The following HTR4 variants were observed in gnomAD, a reference collection of about 807,000 sequenced individuals.
HTR4 encodes 5-hydroxytryptamine (serotonin) receptor 4, G protein-coupled.
Under a neutral mutation model 36.8 loss-of-function variants are expected in HTR4, and 16 were observed. The ratio of observed to expected loss-of-function variants is 0.43; its 90% CI spans 0.29 to 0.66. The LOEUF is 0.66. Among genes scored for constraint, HTR4 ranks in the 30% least tolerant of loss-of-function variants. HTR4 has a pLI of 0.13. For synonymous variants in HTR4, 189 were observed against 185.1 expected, an observed-to-expected ratio of 1.02 and a Z score of -0.17; for missense variants, 438 against 490.9, an observed-to-expected ratio of 0.89 and a Z score of 1.02.
chr5:148,482,509 C>T lies in HTR4; in HGVS notation c.*694G>A. ...CATTTTCCTCTGACAGATCTCTGACCCTGTGTCTTCCATGGAAAATAAATG... is the reference window on the plus strand; with the variant it reads ...CATTTTCCTCTGACAGATCTCTGACTCTGTGTCTTCCATGGAAAATAAATG... On this transcript the variant is annotated 3_prime_UTR_variant, in exon 7 of 7. Transcript: ENST00000377888. 1.0e-6 allele frequency: 1 copy of T among 985,522 alleles called. No individual in the cohort carries two copies. The highest frequency in any genetic ancestry group is 1.2e-6 in the Non-Finnish European group (1 of 830,084). 61.0% of individuals were successfully genotyped at this position (985,522 alleles called of 1,614,324 possible). A position where few individuals can be genotyped will look rare whatever the true frequency, so the allele number is the denominator to read the frequency against.
Position 148,482,031 on chromosome 5 carries a change from T to C in HTR4, c.*1172A>G. 1 of 987,228 alleles carries C rather than the reference T, an allele frequency of 1.0e-6. No individual in the cohort carries two copies. Among genetic ancestry groups the C allele is most frequent in the Non-Finnish European group, 1.2e-6 (1 of 829,594 alleles). 61.2% of individuals were successfully genotyped at this position (987,228 alleles called of 1,614,324 possible). On this transcript the variant is annotated 3_prime_UTR_variant, in exon 7 of 7. Coordinates refer to ENST00000377888, the MANE Select transcript of HTR4 (RefSeq NM_000870.7). Reference sequence around the variant, plus strand: ...AAAGGTCCTCTAGTCCAAGCTTGAGTGCACAGATGTGGAAAGTGGGGTCCA... The same window carrying C: ...AAAGGTCCTCTAGTCCAAGCTTGAGCGCACAGATGTGGAAAGTGGGGTCCA...
At chr5:148,510,089 A>G in intron 5 of HTR4, 65 bp from the exon 6 acceptor site, 1 of 1,067,970 alleles carries the variant, frequency 9.4e-7, no homozygotes, top group Non-Finnish European at 1.4e-6. Flanking sequence ...AGTGAAAAAG[A>G]AGTGGGAAAA....
At chr5:148,504,567 C>T (rs1053696123) in intron 6 of HTR4, among the ~76,000 whole-genome samples, 3 of 152,150 alleles carry the variant, frequency 2.0e-5, no homozygotes, top group African/African-American at 7.2e-5. Context: ...GACACCCTAA[C>T]ATCACAATTA....
At chr5:148,531,096 A>T (rs976854101) in intron 4 of HTR4, among the ~76,000 whole-genome samples, 2 of 152,230 alleles carry the variant, frequency 1.3e-5, no homozygotes, top group African/African-American at 4.8e-5. Context: ...GCCTTGTCTC[A>T]GATGAGATGT....
In HTR4 at chr5:148,532,678, G is replaced by A. The variant is rs989054283; in HGVS notation, c.354-9332C>T. On this transcript the variant is annotated intron_variant, in intron 4 of 6. Coordinates refer to ENST00000377888, the MANE Select transcript of HTR4 (RefSeq NM_000870.7). Reference sequence around the variant, plus strand: ...ATATATGAAATACATACCCATAAATGTATATTCCTATATCTATATAGCCCT... The same window carrying A: ...ATATATGAAATACATACCCATAAATATATATTCCTATATCTATATAGCCCT... 4.6e-5 allele frequency among the ~76,000 whole-genome samples: 7 copies of A among 152,158 alleles called. No individual in the cohort carries two copies. The East Asian group carries it at 1.3e-3, about 29-fold the overall frequency.
intron 2 of HTR4, among the ~76,000 whole-genome samples, chr5:148,616,428 C>T (rs1374271965): frequency 6.6e-6 from 1 of 152,058 alleles, no homozygotes; most frequent in African/African-American, 2.4e-5. Flanking sequence ...AATAGGCATG[C>T]TTTTTCCCCC....
At chr5:148,468,749 A>T (rs1208574800) in intron 5 of HTR4, among the ~76,000 whole-genome samples, 1 of 152,044 alleles carries the variant, frequency 6.6e-6, no homozygotes, top group Non-Finnish European at 1.5e-5. Flanking sequence ...GTCCCCTCCC[A>T]AATCTCATCT....
intron 6 of HTR4, among the ~76,000 whole-genome samples, chr5:148,500,350 A>T (rs919145861): frequency 2.0e-5 from 3 of 152,088 alleles, no homozygotes; most frequent in African/African-American, 7.2e-5. Flanking sequence ...CAAGTCCTGA[A>T]GAACTCCAAC....
At chr5:148,613,551 A>G (rs1420578567) in intron 2 of HTR4, among the ~76,000 whole-genome samples, 2 of 150,342 alleles carry the variant, frequency 1.3e-5, no homozygotes, top group Non-Finnish European at 3.0e-5. Flanking sequence ...AGAGCTATCT[A>G]TGACAAACCC....
intron 4 of HTR4, among the ~76,000 whole-genome samples, chr5:148,543,683 G>A (rs185265472): frequency 6.6e-6 from 1 of 152,238 alleles, no homozygotes; most frequent in African/African-American, 2.4e-5. Flanking sequence ...GTGAACTGAT[G>A]GCATTTTCTA....
intron 5 of HTR4, among the ~76,000 whole-genome samples, chr5:148,514,576 C>T (rs1483217960): frequency 6.6e-6 from 1 of 152,072 alleles, no homozygotes; most frequent in Non-Finnish European, 1.5e-5. Flanking sequence ...ACTGCTTAAC[C>T]CAATGTCACT....
chr5:148,589,223 A>G (rs1561636901), intron 2 of HTR4, among the ~76,000 whole-genome samples: 1 of 152,198 alleles, frequency 6.6e-6, no homozygotes. Context: ...GTTATTAGGT[A>G]TGTATTCATT....
intron 2 of HTR4, among the ~76,000 whole-genome samples, chr5:148,624,682 C>A (rs371776609): frequency 4.6e-5 from 7 of 152,132 alleles, no homozygotes; most frequent in African/African-American, 1.7e-4. Context: ...CTCCAAATCC[C>A]GTAGCCTCAG....
chr5:148,617,214 A>T (rs1214366800), intron 2 of HTR4, among the ~76,000 whole-genome samples: 1 of 152,080 alleles, frequency 6.6e-6, no homozygotes, highest in Non-Finnish European at 1.5e-5. Context: ...GTTGTTTACA[A>T]GTGTGTGGTC....
At chr5:148,566,613 T>C (rs1760451553) in intron 2 of HTR4, among the ~76,000 whole-genome samples, 1 of 152,186 alleles carries the variant, frequency 6.6e-6, no homozygotes, top group South Asian at 2.1e-4. Flanking sequence ...AAAAGTTAAC[T>C]AATTTAGAGA....
intron 1 of HTR4, among the ~76,000 whole-genome samples, chr5:148,653,608 A>AACACAC (rs56205829): frequency 1.3e-5 from 2 of 149,314 alleles, no homozygotes; most frequent in African/African-American, 2.5e-5. Flanking sequence ...CTCTCTCTCT[A>AACACAC]ACACACACAC....
downstream of HTR4, among the ~76,000 whole-genome samples, chr5:148,479,789 G>C (rs2113713467): frequency 6.6e-6 from 1 of 152,268 alleles, no homozygotes; most frequent in Non-Finnish European, 1.5e-5. Context: ...GTTCTATGTG[G>C]TGGGCACACA....
At chr5:148,520,733 C>A (rs1561593533) in intron 5 of HTR4, among the ~76,000 whole-genome samples, 1 of 152,132 alleles carries the variant, frequency 6.6e-6, no homozygotes, top group Non-Finnish European at 1.5e-5. Flanking sequence ...CATTCACTGG[C>A]CATTATTATT....
chr5:148,653,071 G>A (rs1374241299), intron 1 of HTR4, among the ~76,000 whole-genome samples: 1 of 152,046 alleles, frequency 6.6e-6, no homozygotes, highest in African/African-American at 2.4e-5. Context: ...TGATGCTCAA[G>A]TTCCATTCCA....
Sources: allele counts gnomAD v4.1 joint callset (sites outside exome capture counted in the v4.1 genomes callset), GRCh38; gene constraint gnomAD v4.1.1; transcripts MANE v1.5; gene names NCBI Gene and HGNC (gene_info 2026-07-23, HGNC 2026-07-21).